USP8: variants seen among roughly 807,000 people sequenced by gnomAD.
The protein encoded by USP8 is ubiquitin specific peptidase 8, also known as ubiquitin carboxyl-terminal hydrolase 8.
A neutral mutation model predicts 130.0 loss-of-function variants in USP8; 27 were observed. That is an observed-to-expected ratio of 0.21 (90% confidence interval 0.15 to 0.29). The LOEUF is 0.29. Ranked by LOEUF, USP8 falls within the 10% of genes least tolerant of loss-of-function variation. USP8 has a pLI of 1.00. For missense variants in USP8, 1,029 were observed against 1,312.2 expected, an observed-to-expected ratio of 0.78 and a Z score of 3.33; for synonymous variants, 392 against 444.1, an observed-to-expected ratio of 0.88 and a Z score of 1.48.
Position 50,471,756 on chromosome 15 carries a change from T to G in USP8, c.810T>G (p.Ile270Met), listed in dbSNP as rs771076618. 7 of 1,614,134 alleles carry G rather than the reference T, an allele frequency of 4.3e-6. No homozygotes were observed. The highest frequency in any genetic ancestry group is 5.9e-6 in the Non-Finnish European group (7 of 1,180,030). ...DWFSSAKDLQ[I>M]GTTLRSLKDA... is the part of the protein sequence containing the mutation. ...TTAGTTCTGCCAAAGATTTACAGAT[T>G]GGAACAACTCTCCGGAGTCTGAAAG... is the stretch of plus-strand genomic sequence containing the variant. Residue 270 changes from isoleucine (I) to methionine (M), a missense_variant, in exon 8 of 20, where the codon ATT becomes ATG. By Grantham distance (10) the Ile-to-Met change is conservative (BLOSUM62 1). Transcript: ENST00000307179.
At chr15:50,493,262 T>G in intron 15 of USP8, 2 of 512,976 alleles carry the variant, frequency 3.9e-6, no homozygotes, top group Non-Finnish European at 7.7e-6. Context: ...CCTGTCACAT[T>G]GGCAACACCT....
chr15:50,439,006 C>T lies in USP8; in HGVS notation c.-65-3C>T. ...TTAGTATAATTATTTGTATTTGTTT[C>T]AGGAAAGAAGCACTTGTAAGGAAAT... On this transcript the variant is annotated splice_region_variant and splice_polypyrimidine_tract_variant and intron_variant, in intron 1 of 19. Transcript: ENST00000307179. 1 of 1,112,324 alleles carries T rather than the reference C, an allele frequency of 9.0e-7. No homozygotes were observed. Among genetic ancestry groups the T allele is most frequent in the Non-Finnish European group, 1.3e-6 (1 of 760,172 alleles). The allele number at this position is 1,112,324 out of a possible 1,614,324, so 68.9% of individuals were successfully genotyped here. A position where few individuals can be genotyped will look rare whatever the true frequency, so the allele number is the denominator to read the frequency against.
intron 3 of USP8, among the ~76,000 whole-genome samples, chr15:50,447,635 T>G (rs1486164880): frequency 6.6e-6 from 1 of 151,726 alleles, no homozygotes; most frequent in Non-Finnish European, 1.5e-5. Context: ...TGATCTCAGC[T>G]CACTGCAACC....
intron 7 of USP8, among the ~76,000 whole-genome samples, chr15:50,469,913 C>A (rs1172445417): frequency 6.6e-6 from 1 of 151,062 alleles, no homozygotes; most frequent in Non-Finnish European, 1.5e-5. Context: ...CTCACTGCAA[C>A]CCCCACCTCC....
At chr15:50,498,121 A>ATTGTT (rs1205922508) in intron 18 of USP8, among the ~76,000 whole-genome samples, 3 of 152,170 alleles carry the variant, frequency 2.0e-5, no homozygotes, top group Non-Finnish European at 4.4e-5. Flanking sequence ...CCAAGATATC[A>ATTGTT]TTGTTTTGAT....
intron 15 of USP8, chr15:50,493,500 C>T (rs552778236): frequency 1.9e-6 from 1 of 518,662 alleles, no homozygotes; most frequent in African/African-American, 1.9e-5. Flanking sequence ...CACTGGTAAT[C>T]CTAGCACTTT....
chr15:50,469,213 T>C (rs12911550), intron 7 of USP8, among the ~76,000 whole-genome samples: 4,951 of 152,258 alleles, frequency 0.033, 110 homozygotes, highest in East Asian at 0.096. Flanking sequence ...TTTTACTTAC[T>C]GGATATGATT....
At chr15:50,425,721 AAAC>A (rs1441159831) in intron 1 of USP8, among the ~76,000 whole-genome samples, 2 of 152,350 alleles carry the variant, frequency 1.3e-5, no homozygotes, top group East Asian at 1.9e-4. Context: ...TTTTTTAAGA[AAAC>A]AATGTATAAG....
intron 1 of USP8, 98 bp from the exon 2 acceptor site, chr15:50,438,910 GT>G (rs1327791502): frequency 2.6e-5 from 13 of 504,780 alleles, no homozygotes; most frequent in Non-Finnish European, 4.1e-5. Flanking sequence ...AATTAACCCT[GT>G]TAGCAAAGGA....
At position 50,471,566 on chromosome 15, in the gene USP8, G is replaced by A. The variant is rs2051378019; in HGVS notation, c.687-67G>A. 5 of 1,541,646 alleles carry A rather than the reference G, an allele frequency of 3.2e-6. No individual in the cohort carries two copies. The South Asian group carries it at 6.1e-5, about 19-fold the overall frequency. ...TAAAGACTGTGGAACAAAACTGAGT[G>A]TCTTCTGTTAGTATATTAGGACCTC... On this transcript the variant is annotated intron_variant, in intron 7 of 19. Transcript: ENST00000307179.
At chr15:50,484,223 G>A in intron 11 of USP8, 52 bp from the exon 12 acceptor site, 6 of 1,421,148 alleles carry the variant, frequency 4.2e-6, no homozygotes, top group Non-Finnish European at 5.9e-6. Context: ...GCTTTATGTT[G>A]GGAGGAGAAT....
Position 50,495,490 on chromosome 15 carries a change from G to GT in USP8, c.2659-358_2659-357insT, listed in dbSNP as rs1201952840. 3.4e-5 allele frequency among the ~76,000 whole-genome samples: 5 copies of GT among 149,188 alleles called. No homozygotes were observed. The South Asian group carries it at 8.6e-4, about 26-fold the overall frequency. ...TCTTTTTTTAGTAGAGATTGGAGGGGGGGGTCTCACTATGTTGCACAAGTT... is the reference window on the plus strand; with the variant it reads ...TCTTTTTTTAGTAGAGATTGGAGGGGTGGGGTCTCACTATGTTGCACAAGTT... On this transcript the variant is annotated intron_variant, in intron 16 of 19. Coordinates refer to ENST00000307179, the MANE Select transcript of USP8 (RefSeq NM_005154.5).
At position 50,500,601 on chromosome 15, in the gene USP8, C is replaced by A; in HGVS notation, c.*1513C>A. On this transcript the variant is annotated 3_prime_UTR_variant, in exon 20 of 20. Coordinates refer to ENST00000307179, the MANE Select transcript of USP8 (RefSeq NM_005154.5). Reference sequence around the variant, plus strand: ...TTAATGACCAAGCAAAACTCTACCACCAGATGCTGACTGCTTGTTTTGCAG... The same window carrying A: ...TTAATGACCAAGCAAAACTCTACCAACAGATGCTGACTGCTTGTTTTGCAG... 1.7e-6 allele frequency: 1 copy of A among 582,900 alleles called. No individual in the cohort carries two copies. The highest frequency in any genetic ancestry group is 3.0e-6 in the Non-Finnish European group (1 of 330,052). 36.1% of individuals were successfully genotyped at this position (582,900 alleles called of 1,614,324 possible). A position where few individuals can be genotyped will look rare whatever the true frequency, so the allele number is the denominator to read the frequency against.
rs1408513898 is a variant in USP8, at chr15:50,513,817, T to C, written c.*14729T>C. On this transcript the variant is annotated 3_prime_UTR_variant, in exon 20 of 20. Transcript: ENST00000307179. ...AACTGAAACTTCCAGTCATTGCTGG[T>C]GGGGGTATGAATTGGTACAGTCGCT... 6.6e-6 allele frequency: 1 copy of C among 152,148 alleles called. No homozygotes were observed. Among genetic ancestry groups the C allele is most frequent in the Non-Finnish European group, 1.5e-5 (1 of 68,026 alleles). The allele number at this position is 152,148 out of a possible 1,614,324, so 9.4% of individuals were successfully genotyped here.
rs182150618 is a variant in USP8 at position 50,490,249 on chromosome 15, C to A, written c.1972-14C>A. The A allele has an allele frequency of 4.1e-6, 6 of 1,470,954 alleles. No individual in the cohort carries two copies. The highest frequency in any genetic ancestry group is 1.5e-5 in the African/African-American group (1 of 66,182). The allele number at this position is 1,470,954 out of a possible 1,614,324, so 91.1% of individuals were successfully genotyped here. On this transcript the variant is annotated splice_polypyrimidine_tract_variant and intron_variant, in intron 13 of 19. Transcript: ENST00000307179. Reference sequence around the variant, plus strand: ...TGTTTTTTGACCTGTTTTTTTTTTTCTTTTCCATCTAAGTTTCTTGACCCA... The same window carrying A: ...TGTTTTTTGACCTGTTTTTTTTTTTATTTTCCATCTAAGTTTCTTGACCCA...
intron 7 of USP8, chr15:50,466,871 GA>G: frequency 5.1e-6 from 2 of 393,638 alleles, no homozygotes; most frequent in Non-Finnish European, 1.0e-5. Flanking sequence ...GAGGAGCAAA[GA>G]AAAAGAATCT....
intron 8 of USP8, among the ~76,000 whole-genome samples, chr15:50,473,507 T>A (rs545887779): frequency 9.2e-5 from 14 of 152,188 alleles, no homozygotes; most frequent in African/African-American, 1.9e-4. Context: ...TTTTAATTTT[T>A]ATTTTTTTAA....
intron 10 of USP8, among the ~76,000 whole-genome samples, chr15:50,480,273 T>C (rs2051718005): frequency 6.6e-6 from 1 of 152,194 alleles, no homozygotes; most frequent in Non-Finnish European, 1.5e-5. Context: ...AGGTAGTTTA[T>C]TACACAACCT....
chr15:50,477,674 C>T lies in USP8; in HGVS notation c.1218+175C>T, dbSNP rs188511320. Reference sequence around the variant, plus strand: ...GGCCAACATGGTGAAACCCCCCTCTCTACTAATAATACAAAAATTAGCTGG... The same window carrying T: ...GGCCAACATGGTGAAACCCCCCTCTTTACTAATAATACAAAAATTAGCTGG... On this transcript the variant is annotated intron_variant, in intron 10 of 19. Coordinates refer to ENST00000307179, the MANE Select transcript of USP8 (RefSeq NM_005154.5). Among the ~76,000 whole-genome samples the T allele has an allele frequency of 8.7e-4, 132 of 152,008 alleles. 1 individual carries two copies. The Middle Eastern group carries it at 0.037, about 43-fold the overall frequency.
Sources: gnomAD v4.1 joint callset for allele counts (sites outside exome capture counted in the v4.1 genomes callset) on GRCh38, gnomAD v4.1.1 for gene constraint, MANE v1.5 for transcripts, NCBI Gene and HGNC (gene_info 2026-07-23, HGNC 2026-07-21) for gene names.